Variants in TRPS1 observed in about 807,000 individuals in gnomAD.
The protein encoded by TRPS1 is transcriptional repressor GATA binding 1, also known as zinc finger transcription factor Trps1.
TRPS1 carries 6 observed loss-of-function variants against 101.2 expected under a neutral mutation model. The ratio of observed to expected loss-of-function variants is 0.06; its 90% CI spans 0.03 to 0.12. The LOEUF (loss-of-function observed/expected upper bound fraction) is 0.12. TRPS1 is among the 10% of genes least tolerant of loss of function. The pLI is 1.00. For synonymous variants in TRPS1, 578 were observed against 589.8 expected, an observed-to-expected ratio of 0.98 and a Z score of 0.29; for missense variants, 1,363 against 1,567.0, an observed-to-expected ratio of 0.87 and a Z score of 2.20.
intron 5 of TRPS1, among the ~76,000 whole-genome samples, chr8:115,454,633 T>C (rs1813969286): frequency 6.6e-6 from 1 of 152,286 alleles, no homozygotes; most frequent in South Asian, 2.1e-4. Context: ...TAACACTCTA[T>C]TGGTTGGAAG....
At chr8:115,479,994 G>A (rs2625674) in intron 5 of TRPS1, among the ~76,000 whole-genome samples, 67,617 of 151,836 alleles carry the variant, frequency 0.45, 15,671 homozygotes, top group African/African-American at 0.55. Context: ...CATTAGAGGT[G>A]GGAGAATACA....
intron 5 of TRPS1, among the ~76,000 whole-genome samples, chr8:115,476,823 C>A (rs1195677798): frequency 1.3e-5 from 2 of 152,166 alleles, no homozygotes; most frequent in African/African-American, 2.4e-5. Context: ...ACTGATACAA[C>A]CATGCTTTTG....
intron 5 of TRPS1, among the ~76,000 whole-genome samples, chr8:115,532,208 C>A (rs1253217125): frequency 1.3e-5 from 2 of 151,122 alleles, no homozygotes; most frequent in African/African-American, 4.9e-5. Context: ...ATAAGTCTAC[C>A]TAATCTAAGC....
chr8:115,474,182 T>C (rs1439780921), intron 5 of TRPS1, among the ~76,000 whole-genome samples: 1 of 152,208 alleles, frequency 6.6e-6, no homozygotes, highest in East Asian at 1.9e-4. Context: ...CCTGCTAGCA[T>C]TTAAATGAAT....
intron 5 of TRPS1, among the ~76,000 whole-genome samples, chr8:115,567,548 G>A (rs188833514): frequency 6.6e-6 from 1 of 152,178 alleles, no homozygotes; most frequent in East Asian, 1.9e-4. Flanking sequence ...TTCAGATATG[G>A]ATTCAAGACA....
At chr8:115,451,133 C>G (rs1432092359) in intron 5 of TRPS1, among the ~76,000 whole-genome samples, 3 of 152,056 alleles carry the variant, frequency 2.0e-5, no homozygotes, top group Admixed American at 1.3e-4. Context: ...AAGGTAAAAC[C>G]TGTATATTCA....
At chr8:115,491,131 A>G (rs1166530633) in intron 5 of TRPS1, among the ~76,000 whole-genome samples, 1 of 152,156 alleles carries the variant, frequency 6.6e-6, no homozygotes, top group African/African-American at 2.4e-5. Context: ...TAAACCCTTT[A>G]CCTTGTAATA....
Position 115,410,159 on chromosome 8 carries a change from A to T in TRPS1, c.*3864T>A, listed in dbSNP as rs1199319566. The stretch of plus-strand genomic sequence containing the variant: ...ACTTTGTGATGTTTTGCAGCCACAC[A>T]ACAGGAGGCTAATAATTATTTTAAT... On this transcript the variant is annotated 3_prime_UTR_variant, in exon 7 of 7. Transcript: ENST00000395715. 6.6e-6 allele frequency: 1 copy of T among 152,088 alleles called. No individual in the cohort carries two copies. Among genetic ancestry groups the T allele is most frequent in the Admixed American group, 6.6e-5 (1 of 15,220 alleles). The allele number at this position is 152,088 out of a possible 1,614,324, so 9.4% of individuals were successfully genotyped here.
At chr8:115,441,257 T>C (rs1813586326) in intron 5 of TRPS1, among the ~76,000 whole-genome samples, 1 of 152,250 alleles carries the variant, frequency 6.6e-6, no homozygotes. Flanking sequence ...ACTAGGTTAA[T>C]TCAGTTGCCT....
chr8:115,644,742 A>G (rs1023911422), intron 1 of TRPS1, among the ~76,000 whole-genome samples: 2 of 152,172 alleles, frequency 1.3e-5, no homozygotes, highest in Admixed American at 6.5e-5. Flanking sequence ...CTAGCTTTCA[A>G]TTTAAAGTGA....
chr8:115,466,938 C>T (rs950264074), intron 5 of TRPS1, among the ~76,000 whole-genome samples: 1 of 151,904 alleles, frequency 6.6e-6, no homozygotes, highest in East Asian at 1.9e-4. Flanking sequence ...AAGAGAACTG[C>T]TCTGGAAATT....
At chr8:115,622,619 T>C (rs1818420415) in intron 2 of TRPS1, among the ~76,000 whole-genome samples, 1 of 152,206 alleles carries the variant, frequency 6.6e-6, no homozygotes, top group Admixed American at 6.5e-5. Context: ...TACAATATAA[T>C]CTTCCCTTAC....
chr8:115,450,401 C>A (rs897142314), intron 5 of TRPS1, among the ~76,000 whole-genome samples: 2 of 152,088 alleles, frequency 1.3e-5, no homozygotes, highest in Admixed American at 6.5e-5. Context: ...TCATTCTTCA[C>A]GCTATTTAAC....
chr8:115,662,658 G>C (rs954242037), intron 1 of TRPS1, among the ~76,000 whole-genome samples: 18 of 146,660 alleles, frequency 1.2e-4, no homozygotes, highest in African/African-American at 4.6e-4. Flanking sequence ...CTGTTTGCCT[G>C]TGCAAAGTCA....
intron 5 of TRPS1, among the ~76,000 whole-genome samples, chr8:115,437,978 GT>G (rs1004768385): frequency 2.6e-5 from 4 of 152,080 alleles, no homozygotes; most frequent in African/African-American, 9.7e-5. Context: ...TCTCATATGT[GT>G]TTTATGAGGT....
chr8:115,648,876 A>G (rs1166716807), intron 1 of TRPS1, among the ~76,000 whole-genome samples: 1 of 151,942 alleles, frequency 6.6e-6, no homozygotes, highest in African/African-American at 2.4e-5. Flanking sequence ...TGTAGCACAC[A>G]TAAGCTACCT....
intron 5 of TRPS1, among the ~76,000 whole-genome samples, chr8:115,554,601 C>T (rs1816775290): frequency 6.6e-6 from 1 of 152,134 alleles, no homozygotes; most frequent in African/African-American, 2.4e-5. Flanking sequence ...CACATTATGA[C>T]CAATGAGGAT....
intron 1 of TRPS1, among the ~76,000 whole-genome samples, chr8:115,652,677 C>T (rs1467771898): frequency 1.3e-5 from 2 of 152,212 alleles, no homozygotes; most frequent in Non-Finnish European, 2.9e-5. Context: ...TACAGAATTG[C>T]ATTTGGACTT....
chr8:115,560,101 T>C (rs544641490), intron 5 of TRPS1, among the ~76,000 whole-genome samples: 30 of 138,192 alleles, frequency 2.2e-4, no homozygotes, highest in African/African-American at 1.1e-3. Flanking sequence ...ATTAATCTGT[T>C]TGTTTGTTTG....
Sources: gnomAD v4.1 joint callset for allele counts (sites outside exome capture counted in the v4.1 genomes callset) on GRCh38, gnomAD v4.1.1 for gene constraint, MANE v1.5 for transcripts, NCBI Gene and HGNC (gene_info 2026-07-23, HGNC 2026-07-21) for gene names.